PRDM2: variants seen among roughly 807,000 people sequenced by gnomAD.
PRDM2 encodes PR/SET domain 2, also known as PR domain zinc finger protein 2.
PRDM2 carries 30 observed loss-of-function variants against 130.0 expected under a neutral mutation model. The observed-to-expected ratio is 0.23, with a 90% CI of 0.17 to 0.31. The LOEUF (loss-of-function observed/expected upper bound fraction) is 0.31. Among genes scored for constraint, PRDM2 ranks in the 10% least tolerant of loss-of-function variants. The pLI is 1.00. For missense variants in PRDM2, 2,011 were observed against 2,108.4 expected, an observed-to-expected ratio of 0.95 and a Z score of 0.90; for synonymous variants, 871 against 782.4, an observed-to-expected ratio of 1.11 and a Z score of -1.89.
intron 6 of PRDM2, among the ~76,000 whole-genome samples, chr1:13,759,879 G>A (rs932509940): frequency 2.0e-5 from 3 of 152,138 alleles, no homozygotes; most frequent in African/African-American, 7.2e-5. Context: ...AATATCATAT[G>A]TTGTCAGTGG....
intron 4 of PRDM2, among the ~76,000 whole-genome samples, chr1:13,738,201 AT>A (rs1449776112): frequency 6.6e-6 from 1 of 152,198 alleles, no homozygotes; most frequent in Non-Finnish European, 1.5e-5. Context: ...TTGGTTGCTT[AT>A]TCAGTCTTCT....
intron 1 of PRDM2, among the ~76,000 whole-genome samples, chr1:13,711,084 CAAAA>C (rs55784865): frequency 7.2e-6 from 1 of 138,102 alleles, no homozygotes; most frequent in South Asian, 2.3e-4. Context: ...GGCTCTGTCT[CAAAA>C]AAAAAAAAAA....
In PRDM2 at chr1:13,771,385, C is replaced by T. The variant is rs1042030269; in HGVS notation, c.512-1693C>T. Among the ~76,000 whole-genome samples the T allele has an allele frequency of 3.3e-5, 5 of 152,312 alleles. No individual in the cohort carries two copies. In the East Asian group the frequency reaches 9.6e-4, roughly 29 times the overall value. Reference sequence around the variant, plus strand: ...ACAGGCTATCAGGAATTTATTTGCTCAAACCCTGATAAACGTAGTGGCAAA... The same window carrying T: ...ACAGGCTATCAGGAATTTATTTGCTTAAACCCTGATAAACGTAGTGGCAAA... On this transcript the variant is annotated intron_variant, in intron 6 of 9. Transcript: ENST00000311066. The surrounding 1 kb of genome is among the most constrained non-coding windows in gnomAD (Gnocchi z 4.1).
chr1:13,783,690 A>G (rs1305153358), intron 8 of PRDM2, among the ~76,000 whole-genome samples: 1 of 152,190 alleles, frequency 6.6e-6, no homozygotes, highest in East Asian at 1.9e-4. Flanking sequence ...TGGATTCTCA[A>G]ACTTCCTGAG....
chr1:13,819,277 C>G (rs1557681070), intron 9 of PRDM2, among the ~76,000 whole-genome samples: 1 of 152,224 alleles, frequency 6.6e-6, no homozygotes, highest in Non-Finnish European at 1.5e-5. Context: ...ATTTGCCAAG[C>G]CTTATGAATT....
At chr1:13,734,955 T>C (rs1279962093) in intron 4 of PRDM2, among the ~76,000 whole-genome samples, 1 of 152,160 alleles carries the variant, frequency 6.6e-6, no homozygotes, top group Non-Finnish European at 1.5e-5. Flanking sequence ...AGTTTCCTAC[T>C]AACTTATTCC....
intron 6 of PRDM2, among the ~76,000 whole-genome samples, chr1:13,765,476 T>G (rs183488223): frequency 1.3e-3 from 204 of 152,166 alleles, no homozygotes; most frequent in Non-Finnish European, 2.2e-3. Context: ...TCTTTTGTTT[T>G]TTTTTTTGAG....
rs149237596 is a variant in PRDM2 at position 13,765,841 on chromosome 1, A to G, written c.512-7237A>G. 4.2e-4 allele frequency among the ~76,000 whole-genome samples: 64 copies of G among 152,272 alleles called. No homozygotes were observed. The East Asian group carries it at 0.011, about 27-fold the overall frequency. On this transcript the variant is annotated intron_variant, in intron 6 of 9. Coordinates refer to ENST00000311066, the MANE Select transcript of PRDM2 (RefSeq NM_001393986.1). ...CTTCCTTACCAACACAATCTATTAC[A>G]GATTGTAATTTTTAAAAATTTTATA...
intron 1 of PRDM2, among the ~76,000 whole-genome samples, chr1:13,710,041 G>C (rs1300527641): frequency 1.3e-5 from 2 of 152,182 alleles, no homozygotes; most frequent in Non-Finnish European, 2.9e-5. Flanking sequence ...TTGCCCCACA[G>C]ATGTAAACTA....
In PRDM2 at chr1:13,749,477, G is replaced by A. The variant is rs556070285; in HGVS notation, c.501G>A (p.Lys167=). ...ASARSKRSSP[K]SRKGKKKSQE... ...CCCGGAGCAAGCGGAGCTCCCCCAA[G>A]AGCCGGAAAGGTAGGAGCCCCCCGG... The change falls in exon 6 of 10, where the codon AAG becomes AAA. Residue 167 remains lysine, a synonymous_variant. Coordinates refer to ENST00000311066, the MANE Select transcript of PRDM2 (RefSeq NM_001393986.1). 134 of 1,466,378 alleles carry A rather than the reference G, an allele frequency of 9.1e-5. 2 individuals are homozygous for A. The South Asian group carries it at 1.4e-3, about 15-fold the overall frequency. 90.8% of individuals were successfully genotyped at this position (1,466,378 alleles called of 1,614,324 possible). A position where few individuals can be genotyped will look rare whatever the true frequency, so the allele number is the denominator to read the frequency against.
Position 13,804,933 on chromosome 1 carries a change from A to C in PRDM2, c.5037-11494A>C, listed in dbSNP as rs1310052011. ...TTTGGGATATTGGAAACAACTCTTCAATCCTCACTACTATGGGGACTGTGT... is the reference window on the plus strand; with the variant it reads ...TTTGGGATATTGGAAACAACTCTTCCATCCTCACTACTATGGGGACTGTGT... On this transcript the variant is annotated intron_variant, in intron 8 of 9. Coordinates refer to ENST00000311066, the MANE Select transcript of PRDM2 (RefSeq NM_001393986.1). Among the ~76,000 whole-genome samples, 14 of 152,276 alleles carry C rather than the reference A, an allele frequency of 9.2e-5. No homozygotes were observed. In the East Asian group the frequency reaches 2.7e-3, roughly 29 times the overall value.
At chr1:13,731,481 C>G (rs551471919) in intron 3 of PRDM2, among the ~76,000 whole-genome samples, 6 of 152,308 alleles carry the variant, frequency 3.9e-5, no homozygotes, top group African/African-American at 1.4e-4. Context: ...CCATTATATT[C>G]ACTTCATTGT....
intron 8 of PRDM2, among the ~76,000 whole-genome samples, chr1:13,809,698 G>A (rs71629846): frequency 7.1e-4 from 108 of 152,336 alleles, no homozygotes; most frequent in Non-Finnish European, 1.3e-3. Flanking sequence ...CGGATGCATC[G>A]CCTAGGGAGG....
intron 2 of PRDM2, among the ~76,000 whole-genome samples, chr1:13,719,013 C>G (rs117394372): frequency 0.017 from 2,569 of 152,230 alleles, 41 homozygotes; most frequent in South Asian, 0.084. Flanking sequence ...ACTAGGTGGG[C>G]AAGGGCTCTG....
At chr1:13,784,182 C>T (rs1432485209) in intron 8 of PRDM2, among the ~76,000 whole-genome samples, 5 of 152,206 alleles carry the variant, frequency 3.3e-5, no homozygotes, top group African/African-American at 1.2e-4. Context: ...ACATAGGTAG[C>T]ATCTTGGAGG....
At chr1:13,701,220 A>T (rs1342904664) in intron 1 of PRDM2, among the ~76,000 whole-genome samples, 1 of 151,514 alleles carries the variant, frequency 6.6e-6, no homozygotes, top group African/African-American at 2.4e-5. Context: ...TGTATTTGAG[A>T]CGTGGAACGT....
chr1:13,782,407 A>G lies in PRDM2; in HGVS notation c.4612A>G (p.Ser1538Gly). The change falls in exon 8 of 10, where the codon AGC becomes GGC. Residue 1538 changes from serine to glycine, a missense_variant. By Grantham distance (56) the Ser-to-Gly change is moderately conservative (BLOSUM62 0). This residue lies in a region of PRDM2 where 410 missense variants were observed against 395.9 expected (regional missense o/e 1.04). Transcript: ENST00000311066. Reference sequence around the variant, plus strand: ...TCCGTTGGGCAAGACCAGAGCCCGCAGCTCAGGCCCCACCCAAGTCCCACT... The same window carrying G: ...TCCGTTGGGCAAGACCAGAGCCCGCGGCTCAGGCCCCACCCAAGTCCCACT... ...QTPLGKTRAR[S>G]SGPTQVPLPS... is the part of the protein sequence containing the mutation. The G allele has an allele frequency of 1.2e-6, 2 of 1,614,008 alleles. No individual in the cohort carries two copies. The highest frequency in any genetic ancestry group is 1.7e-6 in the Non-Finnish European group (2 of 1,180,022).
At chr1:13,790,885 A>G (rs1156810101) in intron 8 of PRDM2, among the ~76,000 whole-genome samples, 2 of 151,972 alleles carry the variant, frequency 1.3e-5, no homozygotes, top group East Asian at 3.9e-4. Flanking sequence ...AAATGATCTG[A>G]GAAGCTTTAG....
chr1:13,786,377 C>A, intron 8 of PRDM2: 2 of 1,195,160 alleles, frequency 1.7e-6, no homozygotes, highest in Non-Finnish European at 2.3e-6. Context: ...GACGCTCGTT[C>A]CTAAATGCCT....
Sources: gnomAD v4.1 joint callset for allele counts (sites outside exome capture counted in the v4.1 genomes callset) on GRCh38, gnomAD v4.1.1 for gene constraint, gnomAD v4.1.1 regional missense constraint, Gnocchi (gnomAD v3.1) non-coding constraint, MANE v1.5 for transcripts, NCBI Gene and HGNC (gene_info 2026-07-23, HGNC 2026-07-21) for gene names.